The following CEACAM21 variants were observed in gnomAD, a reference collection of about 807,000 sequenced individuals.
CEACAM21 encodes CEA cell adhesion molecule 21.
In CEACAM21, 38 loss-of-function variants were observed where a neutral mutation model predicts 33.2. The observed-to-expected ratio is 1.14, with a 90% confidence interval of 0.88 to 1.50. CEACAM21 has a LOEUF of 1.50. CEACAM21 is among the 40% of genes most tolerant of loss of function. The pLI, the probability that CEACAM21 is intolerant of heterozygous loss-of-function variation, is 0.00. For missense variants in CEACAM21, 385 were observed against 364.6 expected (o/e 1.06, Z -0.46); for synonymous variants, 156 against 143.0 (o/e 1.09, Z -0.65).
chr19:41,574,443 C>T (rs901302745), upstream of CEACAM21, among the ~76,000 whole-genome samples: 5 of 151,948 alleles, frequency 3.3e-5, no homozygotes, highest in African/African-American at 1.2e-4. Flanking sequence ...AATCATGTAC[C>T]CCATAAGGGA....
At chr19:41,574,145 T>C (rs569508158), upstream of CEACAM21, among the ~76,000 whole-genome samples, 3 of 152,316 alleles carry the variant, frequency 2.0e-5, no homozygotes, top group African/African-American at 7.2e-5. Flanking sequence ...GATAACCACA[T>C]GCGAGATAGT....
Position 41,577,270 on chromosome 19 carries a change from T to G in CEACAM21, c.135T>G (p.Val45=). The G allele has an allele frequency of 1.2e-6, 2 of 1,614,104 alleles. No homozygotes were observed. The highest frequency in any genetic ancestry group is 1.7e-6 in the Non-Finnish European group (2 of 1,179,996). Residue 45 remains valine (V), a synonymous_variant, in exon 2 of 7, where the codon GTT becomes GTG. Coordinates refer to ENST00000401445, the MANE Select transcript of CEACAM21 (RefSeq NM_001098506.4). The part of the protein sequence containing the change: ...WLFIASAPFE[V]AEGENVHLSV... Reference sequence around the variant, plus strand: ...TTATTGCATCAGCGCCCTTTGAAGTTGCTGAAGGGGAGAATGTTCATCTCT... The same window carrying G: ...TTATTGCATCAGCGCCCTTTGAAGTGGCTGAAGGGGAGAATGTTCATCTCT...
intron 1 of CEACAM21, among the ~76,000 whole-genome samples, chr19:41,553,349 C>T (rs1555784853): frequency 8.4e-6 from 1 of 119,100 alleles, no homozygotes; most frequent in Non-Finnish European, 2.0e-5. Context: ...GATGATCTGC[C>T]CACCTCAGCC....
chr19:41,555,135 A>G (rs564577753), intron 1 of CEACAM21: 1 of 151,982 alleles, frequency 6.6e-6, no homozygotes, highest in African/African-American at 2.4e-5. Flanking sequence ...TGACATTTCT[A>G]TATTTAATTC....
At chr19:41,582,536 G>A (rs58163879) in intron 3 of CEACAM21, among the ~76,000 whole-genome samples, 8,848 of 152,298 alleles carry the variant, frequency 0.058, 561 homozygotes, top group East Asian at 0.35. Context: ...ACTTCCACCT[G>A]GACATCCAAG....
intron 4 of CEACAM21, among the ~76,000 whole-genome samples, chr19:41,584,664 C>G (rs1207567458): frequency 6.6e-6 from 1 of 152,194 alleles, no homozygotes; most frequent in Non-Finnish European, 1.5e-5. Context: ...TAAGGCCATG[C>G]CCCTGAGCAT....
At chr19:41,562,052 C>T (rs1361275625) in intron 1 of CEACAM21, among the ~76,000 whole-genome samples, 1 of 152,118 alleles carries the variant, frequency 6.6e-6, no homozygotes, top group African/African-American at 2.4e-5. Context: ...TCGAGACCAG[C>T]CTGACAAACA....
chr19:41,577,479 A>G lies in CEACAM21; in HGVS notation c.344A>G (p.Glu115Gly). Residue 115 changes from glutamate (E) to glycine (G), a missense_variant, in exon 2 of 7, where the codon GAG becomes GGG. Transcript: ENST00000401445. ...GDLHFQNVTL[E>G]DTGYYNLQVT... Reference sequence around the variant, plus strand: ...CTGCATTTCCAGAACGTCACCCTAGAGGACACGGGATACTACAACCTACAA... The same window carrying G: ...CTGCATTTCCAGAACGTCACCCTAGGGGACACGGGATACTACAACCTACAA... 1 of 1,614,106 alleles carries G rather than the reference A, an allele frequency of 6.2e-7. No homozygotes were observed. Among genetic ancestry groups the G allele is most frequent in the Non-Finnish European group, 8.5e-7 (1 of 1,180,016 alleles).
At position 41,577,485 on chromosome 19, in the gene CEACAM21, C is replaced by T. The variant is rs375266365; in HGVS notation, c.350C>T (p.Thr117Met). The T allele has an allele frequency of 3.7e-6, 6 of 1,613,932 alleles. No individual in the cohort carries two copies. The African/African-American group carries it at 5.3e-5, about 14-fold the overall frequency. The part of the protein sequence containing the change: ...LHFQNVTLED[T>M]GYYNLQVTYR... The stretch of plus-strand genomic sequence containing the variant: ...TTCCAGAACGTCACCCTAGAGGACA[C>T]GGGATACTACAACCTACAAGTCACA... Residue 117 changes from threonine to methionine, a missense_variant, in exon 2 of 7, where the codon ACG becomes ATG. By Grantham distance (81) the Thr-to-Met change is moderately conservative. Transcript: ENST00000401445.
intron 3 of CEACAM21, among the ~76,000 whole-genome samples, chr19:41,580,973 G>T (rs1414475446): frequency 2.0e-5 from 3 of 152,194 alleles, no homozygotes; most frequent in African/African-American, 7.2e-5. Flanking sequence ...GCTTGAAAAA[G>T]ACATCACTTT....
chr19:41,552,646 A>G (rs2041285120), intron 1 of CEACAM21, among the ~76,000 whole-genome samples: 2 of 152,214 alleles, frequency 1.3e-5, no homozygotes, highest in African/African-American at 4.8e-5. Context: ...CACAAGAATC[A>G]TAGGGAGATG....
At chr19:41,565,444 C>G (rs1568589821) in intron 2 of CEACAM21, 1 of 152,252 alleles carries the variant, frequency 6.6e-6, no homozygotes, top group Non-Finnish European at 1.5e-5. Flanking sequence ...TGTAACCTAC[C>G]TTGTTCCAAC....
At chr19:41,552,124 A>G (rs1317189385) in intron 1 of CEACAM21, 5 of 152,144 alleles carry the variant, frequency 3.3e-5, no homozygotes, top group African/African-American at 7.2e-5. Context: ...GTCAGTGTGC[A>G]TTTATCTAAA....
Position 41,579,417 on chromosome 19 carries a change from C to T in CEACAM21, c.489C>T (p.Val163=), listed in dbSNP as rs2043196218. Residue 163 remains valine, a synonymous_variant, in exon 3 of 7, where the codon GTC becomes GTT. Transcript: ENST00000401445. ...STTVTEKGSV[V]LTCHTNNTGT... is the part of the protein sequence containing the mutation. ...CAGTCACAGAGAAGGGCTCCGTGGT[C>T]CTGACCTGCCACACAAATAACACTG... 1 of 1,613,870 alleles carries T rather than the reference C, an allele frequency of 6.2e-7. No individual in the cohort carries two copies. Among genetic ancestry groups the T allele is most frequent in the Admixed American group, 1.7e-5 (1 of 60,006 alleles).
chr19:41,585,189 C>T (rs1252500082), intron 4 of CEACAM21, among the ~76,000 whole-genome samples: 1 of 152,258 alleles, frequency 6.6e-6, no homozygotes, highest in East Asian at 1.9e-4. Flanking sequence ...CAGTCCCTTT[C>T]CTGTGTCACT....
At position 41,586,559 on chromosome 19, in the gene CEACAM21, A is replaced by T. The variant is rs538326983; in HGVS notation, c.*96A>T. 1.9e-4 allele frequency: 119 copies of T among 624,280 alleles called. 2 individuals carry two copies. Among genetic ancestry groups the T allele is most frequent in the Non-Finnish European group, 3.2e-4 (105 of 323,268 alleles). 38.7% of individuals were successfully genotyped at this position (624,280 alleles called of 1,614,324 possible). The stretch of plus-strand genomic sequence containing the variant: ...CTCTGGGAGCTGCTCCTGTGGGTTG[A>T]TGGAGCGTCCCTGAAGCCCCCAGCC... On this transcript the variant is annotated 3_prime_UTR_variant, in exon 7 of 7. Transcript: ENST00000401445.
intron 1 of CEACAM21, chr19:41,553,716 C>G (rs2041362544): frequency 1.3e-5 from 2 of 152,008 alleles, no homozygotes; most frequent in African/African-American, 4.8e-5. Context: ...ATCAGTAACC[C>G]TGTACAGGGA....
chr19:41,554,865 AT>A (rs2041443597), intron 1 of CEACAM21: 1 of 152,024 alleles, frequency 6.6e-6, no homozygotes, highest in Non-Finnish European at 1.5e-5. Flanking sequence ...ATTTTAATTA[AT>A]TTTTTCATAA....
In CEACAM21 at chr19:41,584,390, G is replaced by A. The variant is rs1446805387; in HGVS notation, c.744G>A (p.Gly248=). 1 of 1,611,482 alleles carries A rather than the reference G, an allele frequency of 6.2e-7. No individual in the cohort carries two copies. Among genetic ancestry groups the A allele is most frequent in the African/African-American group, 1.3e-5 (1 of 74,846 alleles). Residue 248 remains glycine, a synonymous_variant, in exon 4 of 7, where the codon GGG becomes GGA. Transcript: ENST00000401445. The stretch of plus-strand genomic sequence containing the variant: ...GCATCCTGATCGGGGTCCTGGTTGG[G>A]AGTCTTCTGGTGGCTGCACTTGTGT... ...TLGILIGVLV[G]SLLVAALVCF...
Sources: allele counts gnomAD v4.1 joint callset (sites outside exome capture counted in the v4.1 genomes callset), GRCh38; gene constraint gnomAD v4.1.1; transcripts MANE v1.5; gene names NCBI Gene and HGNC (gene_info 2026-07-23, HGNC 2026-07-21).